The following GLI3 variants were observed in gnomAD, a reference collection of about 807,000 sequenced individuals.
The protein encoded by GLI3 is transcription activator GLI3.
GLI3 carries 20 observed loss-of-function variants against 100.8 expected under a neutral mutation model. The ratio of observed to expected loss-of-function variants is 0.20; its 90% CI spans 0.14 to 0.29. The LOEUF (loss-of-function observed/expected upper bound fraction) is 0.29, where lower values mean the gene tolerates loss of function less well. Among genes scored for constraint, GLI3 ranks in the 10% least tolerant of loss-of-function variants. The pLI is 1.00. For missense variants in GLI3, 2,040 were observed against 2,128.5 expected (o/e 0.96, Z 0.82); for synonymous variants, 938 against 860.5 (o/e 1.09, Z -1.58).
chr7:42,207,973 C>T (rs566466064), intron 2 of GLI3, among the ~76,000 whole-genome samples: 4 of 152,128 alleles, frequency 2.6e-5, no homozygotes, highest in Admixed American at 1.3e-4. Context: ...GCCTGGCCAA[C>T]GTGGCAAAAC....
intron 10 of GLI3, among the ~76,000 whole-genome samples, chr7:41,993,728 A>G (rs999522073): frequency 1.2e-4 from 18 of 152,156 alleles, no homozygotes; most frequent in Non-Finnish European, 5.9e-5. Context: ...TTTGGAGCCA[A>G]TGTGGTCCCA....
intron 10 of GLI3, among the ~76,000 whole-genome samples, chr7:41,987,101 G>GACACAC (rs34005460): frequency 0.014 from 1,938 of 140,678 alleles, 19 homozygotes; most frequent in African/African-American, 0.023. Context: ...CACAGACACA[G>GACACAC]ACACACACAC....
chr7:42,058,792 T>C (rs891801956), intron 4 of GLI3, among the ~76,000 whole-genome samples: 4 of 152,246 alleles, frequency 2.6e-5, no homozygotes, highest in Non-Finnish European at 4.4e-5. Flanking sequence ...CAATTGTTTA[T>C]AGCTAAAATT....
chr7:42,119,515 C>T (rs976547621), intron 3 of GLI3, among the ~76,000 whole-genome samples: 9 of 152,168 alleles, frequency 5.9e-5, no homozygotes, highest in African/African-American at 1.4e-4. Flanking sequence ...GAGGTTCTTA[C>T]CCTAGGCATT....
chr7:42,175,336 G>C (rs528174224), intron 2 of GLI3, among the ~76,000 whole-genome samples: 10 of 152,314 alleles, frequency 6.6e-5, no homozygotes, highest in African/African-American at 2.2e-4. Flanking sequence ...GAGAAATAGG[G>C]GCTGGGTACA....
chr7:42,061,872 C>T (rs1784575535), intron 4 of GLI3, among the ~76,000 whole-genome samples: 1 of 152,110 alleles, frequency 6.6e-6, no homozygotes. Context: ...TTATCATGGC[C>T]TTCGGGAACT....
At position 41,972,877 on chromosome 7, in the gene GLI3, T is replaced by C. The variant is rs1787402868; in HGVS notation, c.1813-250A>G. 6.6e-6 allele frequency among the ~76,000 whole-genome samples: 1 copy of C among 152,172 alleles called. No individual in the cohort carries two copies. Among genetic ancestry groups the C allele is most frequent in the African/African-American group, 2.4e-5 (1 of 41,440 alleles). ...AGGCTCAGGGAGAACTAAGAATGTG[T>C]AAATTGCCTTGATGTTCTTGGAAGC... On this transcript the variant is annotated intron_variant, in intron 12 of 14. Coordinates refer to ENST00000395925, the MANE Select transcript of GLI3 (RefSeq NM_000168.6). The surrounding 1 kb of genome is among the most constrained non-coding windows in gnomAD (Gnocchi z 4.4).
chr7:42,068,764 A>G (rs1223556217), intron 4 of GLI3, among the ~76,000 whole-genome samples: 4 of 152,082 alleles, frequency 2.6e-5, no homozygotes, highest in Non-Finnish European at 5.9e-5. Context: ...TAGGTGAAAA[A>G]AGTGGGGCTC....
chr7:42,007,569 G>A (rs1394880457), intron 10 of GLI3, among the ~76,000 whole-genome samples: 11 of 152,062 alleles, frequency 7.2e-5, no homozygotes, highest in African/African-American at 1.9e-4. Flanking sequence ...CAATAAGCTC[G>A]GCACTAATGT....
chr7:42,245,064 T>A (rs1215987658), intron 1 of GLI3, among the ~76,000 whole-genome samples: 1 of 152,208 alleles, frequency 6.6e-6, no homozygotes, highest in Non-Finnish European at 1.5e-5. Context: ...CAGCTCCAGC[T>A]TGCTTTCCAG....
intron 2 of GLI3, among the ~76,000 whole-genome samples, chr7:42,180,124 T>A (rs1006764655): frequency 6.6e-6 from 1 of 151,466 alleles, no homozygotes; most frequent in Non-Finnish European, 1.5e-5. Flanking sequence ...GAACGAGGAG[T>A]GGCCTGCAGA....
chr7:42,052,593 G>C (rs1409719805), intron 4 of GLI3, among the ~76,000 whole-genome samples: 9 of 152,164 alleles, frequency 5.9e-5, no homozygotes, highest in Admixed American at 5.9e-4. Flanking sequence ...TGTGTGTAAA[G>C]GTAGGAACAC....
intron 3 of GLI3, among the ~76,000 whole-genome samples, chr7:42,126,002 G>A (rs934789509): frequency 1.3e-5 from 2 of 152,066 alleles, no homozygotes; most frequent in Admixed American, 6.6e-5. Context: ...AAAAACAGCA[G>A]CACACAAATA....
chr7:42,081,853 G>A (rs1785003380), intron 3 of GLI3, among the ~76,000 whole-genome samples: 1 of 152,060 alleles, frequency 6.6e-6, no homozygotes, highest in South Asian at 2.1e-4. Flanking sequence ...TGGTCTGAAA[G>A]TGCCCGGGAA....
intron 2 of GLI3, among the ~76,000 whole-genome samples, chr7:42,200,511 T>A (rs1455867903): frequency 6.6e-6 from 1 of 152,090 alleles, no homozygotes; most frequent in East Asian, 1.9e-4. Context: ...TATTTTAAAG[T>A]GCCTTTGAAG....
At chr7:42,158,535 G>A (rs542440485) in intron 2 of GLI3, among the ~76,000 whole-genome samples, 4 of 151,724 alleles carry the variant, frequency 2.6e-5, no homozygotes, top group Admixed American at 2.6e-4. Context: ...TGTTGCCCAG[G>A]CTGGAGGTCA....
At chr7:42,115,133 CTTT>C (rs56200386) in intron 3 of GLI3, among the ~76,000 whole-genome samples, 3,961 of 99,406 alleles carry the variant, frequency 0.04, 98 homozygotes, top group African/African-American at 0.14. Context: ...AATTTTCCTA[CTTT>C]TTTTTTTTTT....
At chr7:42,218,034 T>A (rs1788411617) in intron 2 of GLI3, among the ~76,000 whole-genome samples, 1 of 152,200 alleles carries the variant, frequency 6.6e-6, no homozygotes, top group Non-Finnish European at 1.5e-5. Context: ...ACATGGCTAG[T>A]CCTTCGTGTT....
At chr7:42,134,900 G>A (rs934517430) in intron 3 of GLI3, among the ~76,000 whole-genome samples, 2 of 151,940 alleles carry the variant, frequency 1.3e-5, no homozygotes, top group Non-Finnish European at 2.9e-5. Context: ...GAAAGAAAAC[G>A]CAGCATCGGC....
Sources: allele counts gnomAD v4.1 joint callset (sites outside exome capture counted in the v4.1 genomes callset), GRCh38; gene constraint gnomAD v4.1.1; non-coding constraint Gnocchi (gnomAD v3.1); transcripts MANE v1.5; gene names NCBI Gene and HGNC (gene_info 2026-07-23, HGNC 2026-07-21).